Variants in CYB5R4 observed in about 807,000 individuals in gnomAD.
The protein encoded by CYB5R4 is cytochrome b5 reductase 4.
In CYB5R4, 55 loss-of-function variants were observed where a neutral mutation model predicts 70.2. The ratio of observed to expected loss-of-function variants is 0.78; its 90% confidence interval spans 0.63 to 0.98. The LOEUF (loss-of-function observed/expected upper bound fraction) is 0.98. CYB5R4 is among the 50% of genes least tolerant of loss of function. The pLI is 0.00. For missense variants in CYB5R4, 562 were observed against 612.6 expected (o/e 0.92, Z 0.87); for synonymous variants, 197 against 199.5 (o/e 0.99, Z 0.11).
intron 12 of CYB5R4, 117 bp from the exon 13 acceptor site, chr6:83,939,939 T>C (rs1562844234): frequency 3.0e-6 from 2 of 661,990 alleles, no homozygotes; most frequent in Admixed American, 2.9e-5. Context: ...GTATTTATAC[T>C]GTTACTCCTC....
chr6:83,900,136 G>A (rs1231362875), intron 3 of CYB5R4, among the ~76,000 whole-genome samples: 1 of 152,078 alleles, frequency 6.6e-6, no homozygotes, highest in Non-Finnish European at 1.5e-5. Context: ...ACACTGCTTT[G>A]AATGTGTCCC....
At chr6:83,869,747 C>G (rs1441382036) in intron 2 of CYB5R4, among the ~76,000 whole-genome samples, 1 of 151,132 alleles carries the variant, frequency 6.6e-6, no homozygotes, top group Admixed American at 6.6e-5. Flanking sequence ...TGCTTGAACC[C>G]GGGAGTCAGA....
intron 2 of CYB5R4, among the ~76,000 whole-genome samples, chr6:83,875,100 C>T (rs1402385943): frequency 5.9e-5 from 9 of 151,926 alleles, no homozygotes; most frequent in East Asian, 3.9e-4. Flanking sequence ...GGATTATAGG[C>T]GTGAGCCACT....
intron 2 of CYB5R4, among the ~76,000 whole-genome samples, chr6:83,881,366 C>A (rs890368649): frequency 6.6e-6 from 1 of 151,826 alleles, no homozygotes; most frequent in Non-Finnish European, 1.5e-5. Flanking sequence ...ATAGAGATAG[C>A]GTCTTGCTTT....
rs2099473544 is a variant in CYB5R4 at position 83,962,851 on chromosome 6, G to T, written c.*2973G>T. On this transcript the variant is annotated 3_prime_UTR_variant, in exon 16 of 16. Transcript: ENST00000369681. ...GCCCACATTCCTTCTCATACTTTCTGTGTGGCCCTCTTCAGCATTAGTGGA... is the reference window on the plus strand; with the variant it reads ...GCCCACATTCCTTCTCATACTTTCTTTGTGGCCCTCTTCAGCATTAGTGGA... 1 of 152,202 alleles carries T rather than the reference G, an allele frequency of 6.6e-6. No homozygotes were observed. Among genetic ancestry groups the T allele is most frequent in the African/African-American group, 2.4e-5 (1 of 41,446 alleles). 9.4% of individuals were successfully genotyped at this position (152,202 alleles called of 1,614,324 possible).
At chr6:83,883,509 T>C (rs534371684) in intron 2 of CYB5R4, among the ~76,000 whole-genome samples, 80 of 152,222 alleles carry the variant, frequency 5.3e-4, no homozygotes, top group African/African-American at 1.9e-3. Flanking sequence ...AAACGACTGC[T>C]GAAGGAAAAG....
chr6:83,929,038 T>C (rs2099467751), intron 10 of CYB5R4, among the ~76,000 whole-genome samples: 1 of 152,190 alleles, frequency 6.6e-6, no homozygotes, highest in Admixed American at 6.5e-5. Context: ...ATAATGTGTT[T>C]TTCAGTGAAG....
intron 14 of CYB5R4, among the ~76,000 whole-genome samples, chr6:83,951,669 T>C (rs750305525): frequency 5.9e-5 from 9 of 152,210 alleles, no homozygotes; most frequent in Non-Finnish European, 8.8e-5. Flanking sequence ...ACATTTTCTT[T>C]ATCCAGTCTA....
At chr6:83,907,502 G>T (rs2099463985) in intron 3 of CYB5R4, among the ~76,000 whole-genome samples, 1 of 150,306 alleles carries the variant, frequency 6.7e-6, no homozygotes, top group African/African-American at 2.5e-5. Flanking sequence ...TTTATTTTAG[G>T]TTCAGGGGTA....
rs371000092 is a variant in CYB5R4 at position 83,899,952 on chromosome 6, A to G, written c.330+6330A>G. Among the ~76,000 whole-genome samples, 6 of 151,856 alleles carry G rather than the reference A, an allele frequency of 4.0e-5. No individual in the cohort carries two copies. In the East Asian group the frequency reaches 9.7e-4, roughly 25 times the overall value. On this transcript the variant is annotated intron_variant, in intron 3 of 15. Coordinates refer to ENST00000369681, the MANE Select transcript of CYB5R4 (RefSeq NM_016230.4). The stretch of plus-strand genomic sequence containing the variant: ...CATTGATTTTTTTGAAGGGTTTTTT[A>G]TGTCTCTATCTCCTTCAGTTCTGCT...
chr6:83,944,606 G>C (rs117371307), intron 14 of CYB5R4, among the ~76,000 whole-genome samples: 6,677 of 152,122 alleles, frequency 0.044, 154 homozygotes, highest in African/African-American at 0.05. Context: ...AAATGTAAAC[G>C]GGCTAAATGC....
At chr6:83,896,710 A>G (rs191389006) in intron 3 of CYB5R4, among the ~76,000 whole-genome samples, 2 of 152,238 alleles carry the variant, frequency 1.3e-5, no homozygotes, top group African/African-American at 2.4e-5. Flanking sequence ...TATTTTTGCT[A>G]TTGTGAATGG....
intron 3 of CYB5R4, among the ~76,000 whole-genome samples, chr6:83,894,635 A>G (rs888840278): frequency 1.3e-5 from 2 of 152,332 alleles, no homozygotes; most frequent in South Asian, 2.1e-4. Flanking sequence ...CTAACAGCCT[A>G]CTGTTGACCA....
chr6:83,934,999 A>C (rs2099468706), intron 11 of CYB5R4, among the ~76,000 whole-genome samples: 1 of 152,188 alleles, frequency 6.6e-6, no homozygotes. Flanking sequence ...TATTACTAAC[A>C]AAACCCTAAA....
chr6:83,902,532 G>T (rs1313244558), intron 3 of CYB5R4, among the ~76,000 whole-genome samples: 5 of 152,002 alleles, frequency 3.3e-5, no homozygotes, highest in Non-Finnish European at 7.4e-5. Flanking sequence ...TGAATTTTAG[G>T]ATTGTTTTTT....
At position 83,936,204 on chromosome 6, in the gene CYB5R4, G is replaced by T. The variant is rs768683600; in HGVS notation, c.956-20G>T. 1.5e-5 allele frequency: 23 copies of T among 1,506,690 alleles called. No homozygotes were observed. Among genetic ancestry groups the T allele is most frequent in the East Asian group, 7.2e-5 (3 of 41,954 alleles). 93.3% of individuals were successfully genotyped at this position (1,506,690 alleles called of 1,614,324 possible). A position where few individuals can be genotyped will look rare whatever the true frequency, so the allele number is the denominator to read the frequency against. On this transcript the variant is annotated intron_variant, in intron 11 of 15. Transcript: ENST00000369681. The stretch of plus-strand genomic sequence containing the variant: ...TGGATTTTTAGAATTTAATTATTTT[G>T]CTGTGATTTTTTTTTCTAGGTACAG...
intron 14 of CYB5R4, among the ~76,000 whole-genome samples, chr6:83,943,270 G>T (rs1728245474): frequency 6.6e-6 from 1 of 152,148 alleles, no homozygotes; most frequent in African/African-American, 2.4e-5. Context: ...GAAGGAACAG[G>T]CAGCAATCTT....
At chr6:83,929,938 G>A (rs752822618) in intron 10 of CYB5R4, among the ~76,000 whole-genome samples, 3 of 151,996 alleles carry the variant, frequency 2.0e-5, no homozygotes, top group Non-Finnish European at 4.4e-5. Flanking sequence ...TGTGGGTTGG[G>A]TTCCAGACCA....
chr6:83,923,214 A>G (rs1269566178), intron 9 of CYB5R4, among the ~76,000 whole-genome samples: 1 of 152,176 alleles, frequency 6.6e-6, no homozygotes. Context: ...TGCTGCATAT[A>G]AACATGCAGC....
Sources: gnomAD v4.1 joint callset for allele counts (sites outside exome capture counted in the v4.1 genomes callset) on GRCh38, gnomAD v4.1.1 for gene constraint, MANE v1.5 for transcripts, NCBI Gene and HGNC (gene_info 2026-07-23, HGNC 2026-07-21) for gene names.